Variants in DCDC1 observed in about 807,000 individuals in gnomAD.
The protein encoded by DCDC1 is doublecortin domain containing 1.
In DCDC1, 200 loss-of-function variants were observed where a neutral mutation model predicts 178.3. The observed-to-expected ratio is 1.12, with a 90% CI of 1.00 to 1.26. DCDC1 has a LOEUF of 1.26. Among genes scored for constraint, DCDC1 ranks in the 50% most tolerant of loss-of-function variants. The pLI is 0.00. For missense variants in DCDC1, 1,983 were observed against 1,749.2 expected, an observed-to-expected ratio of 1.13 and a Z score of -2.38; for synonymous variants, 690 against 604.8, an observed-to-expected ratio of 1.14 and a Z score of -2.07.
At chr11:31,131,458 T>A (rs1417607859) in intron 10 of DCDC1, among the ~76,000 whole-genome samples, 1 of 152,146 alleles carries the variant, frequency 6.6e-6, no homozygotes, top group African/African-American at 2.4e-5. Context: ...AATATGGAAA[T>A]AATAAATGAT....
intron 13 of DCDC1, among the ~76,000 whole-genome samples, chr11:31,105,887 T>A (rs762823932): frequency 1.3e-5 from 2 of 152,184 alleles, no homozygotes; most frequent in African/African-American, 2.4e-5. Context: ...TTCATTATAG[T>A]TAATATATGA....
chr11:30,973,502 C>G (rs1379691451), intron 20 of DCDC1, among the ~76,000 whole-genome samples: 1 of 152,024 alleles, frequency 6.6e-6, no homozygotes, highest in Non-Finnish European at 1.5e-5. Flanking sequence ...CAGTGGCTTA[C>G]AAGAAACTCA....
chr11:30,868,308 T>C (rs1238428681), intron 38 of DCDC1, among the ~76,000 whole-genome samples: 1 of 137,952 alleles, frequency 7.2e-6, no homozygotes, highest in Non-Finnish European at 1.5e-5. Flanking sequence ...TGGAGTGTAG[T>C]GGTGTGATCT....
At chr11:31,170,259 C>A (rs112162170) in intron 9 of DCDC1, among the ~76,000 whole-genome samples, 1 of 152,156 alleles carries the variant, frequency 6.6e-6, no homozygotes, top group Non-Finnish European at 1.5e-5. Context: ...TGATGTCATT[C>A]TGGACCATCC....
intron 1 of DCDC1, among the ~76,000 whole-genome samples, chr11:31,353,952 G>A (rs1471712376): frequency 3.3e-5 from 5 of 152,092 alleles, no homozygotes; most frequent in Non-Finnish European, 7.4e-5. Context: ...TTCTTGAAGG[G>A]ATAGTTAGTT....
At chr11:31,072,808 G>T (rs1956648183) in intron 18 of DCDC1, among the ~76,000 whole-genome samples, 1 of 152,050 alleles carries the variant, frequency 6.6e-6, no homozygotes, top group African/African-American at 2.4e-5. Flanking sequence ...TTATCAATTT[G>T]CTGTTAAAGG....
intron 20 of DCDC1, among the ~76,000 whole-genome samples, chr11:31,025,499 A>G (rs1026753043): frequency 2.6e-5 from 4 of 151,876 alleles, no homozygotes; most frequent in Admixed American, 2.6e-4. Flanking sequence ...TTGAGCACAG[A>G]GGAGTAAAAT....
chr11:31,294,796 GAAAA>G (rs1387022022), intron 6 of DCDC1, among the ~76,000 whole-genome samples: 27 of 118,568 alleles, frequency 2.3e-4, no homozygotes, highest in African/African-American at 8.4e-4. Context: ...GAAAAATAAA[GAAAA>G]AGAAAGAAAG....
chr11:31,213,100 CCTCTCT>C (rs71060480), intron 9 of DCDC1, among the ~76,000 whole-genome samples: 494 of 44,230 alleles, frequency 0.011, 18 homozygotes, highest in East Asian at 0.053. Flanking sequence ...TAAAGCCCAG[CCTCTCT>C]CTCTCTCTCT....
intron 36 of DCDC1, among the ~76,000 whole-genome samples, chr11:30,887,245 G>A (rs549860635): frequency 6.6e-6 from 1 of 152,124 alleles, no homozygotes; most frequent in Admixed American, 6.5e-5. Flanking sequence ...CATTCTCTCT[G>A]ATAATATATT....
At chr11:31,227,655 T>C (rs926609723) in intron 9 of DCDC1, among the ~76,000 whole-genome samples, 5 of 152,072 alleles carry the variant, frequency 3.3e-5, no homozygotes, top group African/African-American at 1.2e-4. Flanking sequence ...TTAAACCCAG[T>C]CATATTAATA....
chr11:30,973,598 G>GTAGC (rs1055344355), intron 20 of DCDC1, among the ~76,000 whole-genome samples: 10 of 152,286 alleles, frequency 6.6e-5, no homozygotes, highest in African/African-American at 2.4e-4. Flanking sequence ...GTGAGCAGGA[G>GTAGC]TAGCTACACT....
intron 22 of DCDC1, among the ~76,000 whole-genome samples, chr11:30,930,553 T>C (rs1177326576): frequency 2.0e-5 from 3 of 152,172 alleles, no homozygotes; most frequent in Non-Finnish European, 4.4e-5. Context: ...TCCATGAACA[T>C]AGCATATGGG....
intron 7 of DCDC1, among the ~76,000 whole-genome samples, chr11:31,284,500 T>C (rs919925290): frequency 6.6e-6 from 1 of 152,066 alleles, no homozygotes; most frequent in South Asian, 2.1e-4. Context: ...ATCTAATAAA[T>C]GCTTCAAGGT....
At chr11:31,309,439 G>A (rs532008741) in intron 3 of DCDC1, among the ~76,000 whole-genome samples, 125 of 152,242 alleles carry the variant, frequency 8.2e-4, no homozygotes, top group African/African-American at 2.8e-3. Flanking sequence ...TTTGATAACG[G>A]TGGTGAGTGA....
rs2616801 is a variant in DCDC1 at position 31,288,202 on chromosome 11, T to A, written c.960+2445A>T. Among the ~76,000 whole-genome samples, 1,052 of 152,076 alleles carry A rather than the reference T, an allele frequency of 6.9e-3. 11 individuals carry two copies. The highest frequency in any genetic ancestry group is 0.024 in the African/African-American group (996 of 41,554). The stretch of plus-strand genomic sequence containing the variant: ...CTCAAAGTTGTGTATCCATATCAGC[T>A]ATATTTCATTTCCCATTAATTTGGC... On this transcript the variant is annotated intron_variant, in intron 7 of 38. Coordinates refer to ENST00000684477, the MANE Select transcript of DCDC1 (RefSeq NM_001387274.1).
At chr11:31,067,575 C>CAA (rs1311129329) in intron 18 of DCDC1, among the ~76,000 whole-genome samples, 1 of 151,954 alleles carries the variant, frequency 6.6e-6, no homozygotes, top group Non-Finnish European at 1.5e-5. Flanking sequence ...TACATACACA[C>CAA]AAAAACTTCC....
intron 20 of DCDC1, among the ~76,000 whole-genome samples, chr11:30,980,751 TC>T (rs919340070): frequency 6.6e-6 from 1 of 152,122 alleles, no homozygotes; most frequent in African/African-American, 2.4e-5. Context: ...TTAAGAGGTT[TC>T]CCCAGAGATT....
At chr11:30,995,670 A>G (rs1951225522) in intron 20 of DCDC1, among the ~76,000 whole-genome samples, 1 of 152,180 alleles carries the variant, frequency 6.6e-6, no homozygotes, top group Non-Finnish European at 1.5e-5. Flanking sequence ...ATTGTCTTTC[A>G]GCAAATAGTG....
Sources: gnomAD v4.1 joint callset for allele counts (sites outside exome capture counted in the v4.1 genomes callset) on GRCh38, gnomAD v4.1.1 for gene constraint, MANE v1.5 for transcripts, NCBI Gene and HGNC (gene_info 2026-07-23, HGNC 2026-07-21) for gene names.